Variants in ATP6V1E2 observed in about 807,000 individuals in gnomAD.
ATP6V1E2 encodes V-type proton ATPase subunit E 2.
For synonymous variants in ATP6V1E2, 121 were observed against 104.2 expected (o/e 1.16, Z -0.98); for missense variants, 308 against 273.3 (o/e 1.13, Z -0.90).
intron 4 of ATP6V1E2, among the ~76,000 whole-genome samples, chr2:46,517,072 T>G (rs1193641908): frequency 6.6e-6 from 1 of 152,220 alleles, no homozygotes; most frequent in African/African-American, 2.4e-5. Flanking sequence ...TCACATTTCC[T>G]GACTTCAACA....
At chr2:46,526,999 C>G (rs749617058) in intron 4 of ATP6V1E2, among the ~76,000 whole-genome samples, 5 of 152,200 alleles carry the variant, frequency 3.3e-5, no homozygotes, top group Non-Finnish European at 5.9e-5. Flanking sequence ...CACAGCAATG[C>G]ACATGGGTTC....
At position 46,535,925 on chromosome 2, in the gene ATP6V1E2, GT is replaced by G. The variant is rs763136515; in HGVS notation, c.-215del. The G allele has an allele frequency of 6.6e-6, 1 of 152,214 alleles. No individual in the cohort carries two copies. Among genetic ancestry groups the G allele is most frequent in the Non-Finnish European group, 1.5e-5 (1 of 68,032 alleles). 9.4% of individuals were successfully genotyped at this position (152,214 alleles called of 1,614,324 possible). A position where few individuals can be genotyped will look rare whatever the true frequency, so the allele number is the denominator to read the frequency against. On this transcript the variant is annotated splice_region_variant and 5_prime_UTR_variant, in exon 4 of 5. Coordinates refer to ENST00000522587, the MANE Select transcript of ATP6V1E2 (RefSeq NM_001318063.2). This position sits in a 1 kb window ranked among gnomAD's most constrained non-coding sequence, Gnocchi z 4.4. ...TTGGGATGGTTTTCTGGCACTCTTG[GT>G]TCTGAAACATAAAATAAAATCATTA...
rs532972564 is a variant in ATP6V1E2, at chr2:46,535,340, T to C, written c.-102+473A>G. On this transcript the variant is annotated intron_variant, in intron 4 of 4. Transcript: ENST00000522587. This position sits in a 1 kb window ranked among gnomAD's most constrained non-coding sequence, Gnocchi z 4.4. ...AAGCACATTAATAAAGTGATCTGCT[T>C]CTCCAGTCTCTTCTCAGGAGCCTGG... is the stretch of plus-strand genomic sequence containing the variant. 11 of 152,280 alleles carry C rather than the reference T, an allele frequency of 7.2e-5. No individual in the cohort carries two copies. Among genetic ancestry groups the C allele is most frequent in the African/African-American group, 2.6e-4 (11 of 41,556 alleles). The allele number at this position is 152,280 out of a possible 1,614,324, so 9.4% of individuals were successfully genotyped here.
intron 4 of ATP6V1E2, among the ~76,000 whole-genome samples, chr2:46,528,946 C>G (rs1667056328): frequency 6.6e-6 from 1 of 152,158 alleles, no homozygotes. Context: ...CTCATTCTGC[C>G]CTTCCTAGAA....
chr2:46,517,351 T>G (rs1204934085), intron 4 of ATP6V1E2, among the ~76,000 whole-genome samples: 1 of 152,156 alleles, frequency 6.6e-6, no homozygotes, highest in African/African-American at 2.4e-5. Context: ...ATTGAAGACT[T>G]AAATGTAAGG....
chr2:46,521,932 C>A (rs1367872191), intron 4 of ATP6V1E2, among the ~76,000 whole-genome samples: 9 of 114,880 alleles, frequency 7.8e-5, no homozygotes, highest in Non-Finnish European at 1.1e-4. Flanking sequence ...CCTCGTGATC[C>A]ACCCGCCTCA....
Position 46,523,260 on chromosome 2 carries a change from T to C in ATP6V1E2, c.-101-10448A>G, listed in dbSNP as rs28883898. ...TTTAATTAGATCCCATTTGTGAATT[T>C]TGGCTCTTGTTGCAATTGCTTTTGG... On this transcript the variant is annotated intron_variant, in intron 4 of 4. Transcript: ENST00000522587. Among the ~76,000 whole-genome samples, 1,325 of 152,356 alleles carry C rather than the reference T, an allele frequency of 8.7e-3. 37 individuals are homozygous for C. Among genetic ancestry groups the C allele is most frequent in the East Asian group, 0.072 (374 of 5,190 alleles).
At chr2:46,536,784 C>A (rs1392181422) in intron 2 of ATP6V1E2, 81 bp from the exon 3 acceptor site, 1 of 151,560 alleles carries the variant, frequency 6.6e-6, no homozygotes, top group African/African-American at 2.4e-5. Flanking sequence ...CTCTCCTAAA[C>A]TTCTTTTTTT....
chr2:46,539,724 G>A (rs1036142429), intron 2 of ATP6V1E2, among the ~76,000 whole-genome samples: 11 of 152,252 alleles, frequency 7.2e-5, no homozygotes, highest in Admixed American at 6.5e-4. Context: ...GAAGTTGTGT[G>A]CTGTTCCTTC....
At chr2:46,525,461 C>CAAAAAAAAAAAAAA (rs57428249) in intron 4 of ATP6V1E2, among the ~76,000 whole-genome samples, 4 of 56,704 alleles carry the variant, frequency 7.1e-5, no homozygotes, top group South Asian at 6.6e-4. Flanking sequence ...GACTCCGTCT[C>CAAAAAAAAAAAAAA]AAAAAAAAAA....
intron 4 of ATP6V1E2, among the ~76,000 whole-genome samples, chr2:46,533,432 C>T (rs1667288997): frequency 6.6e-6 from 1 of 151,878 alleles, no homozygotes; most frequent in Admixed American, 6.6e-5. Flanking sequence ...GCCACCACAC[C>T]CAACTATATT....
Position 46,535,690 on chromosome 2 carries a change from G to A in ATP6V1E2, c.-102+123C>T, listed in dbSNP as rs1667410666. On this transcript the variant is annotated intron_variant, in intron 4 of 4. Coordinates refer to ENST00000522587, the MANE Select transcript of ATP6V1E2 (RefSeq NM_001318063.2). The surrounding 1 kb of genome is among the most constrained non-coding windows in gnomAD (Gnocchi z 4.4). ...CCCACCACTAAAGCTGCAGCCTCCAGAGACAATGTGCCCTGTATTTAACTC... is the reference window on the plus strand; with the variant it reads ...CCCACCACTAAAGCTGCAGCCTCCAAAGACAATGTGCCCTGTATTTAACTC... The A allele has an allele frequency of 6.6e-6, 1 of 152,228 alleles. No homozygotes were observed. The highest frequency in any genetic ancestry group is 2.4e-5 in the African/African-American group (1 of 41,438). 9.4% of individuals were successfully genotyped at this position (152,228 alleles called of 1,614,324 possible). A position where few individuals can be genotyped will look rare whatever the true frequency, so the allele number is the denominator to read the frequency against.
intron 4 of ATP6V1E2, among the ~76,000 whole-genome samples, chr2:46,532,974 T>C (rs1667252531): frequency 6.6e-6 from 1 of 152,000 alleles, no homozygotes; most frequent in Non-Finnish European, 1.5e-5. Flanking sequence ...TCCCTTTTGT[T>C]ATTATTGTTA....
At chr2:46,537,132 G>A (rs536813913) in intron 2 of ATP6V1E2, among the ~76,000 whole-genome samples, 2 of 152,234 alleles carry the variant, frequency 1.3e-5, no homozygotes, top group African/African-American at 2.4e-5. Context: ...GCCTAGGAAC[G>A]TTGACCCTTA....
At chr2:46,521,388 A>C (rs1285871851) in intron 4 of ATP6V1E2, among the ~76,000 whole-genome samples, 1 of 152,138 alleles carries the variant, frequency 6.6e-6, no homozygotes, top group African/African-American at 2.4e-5. Context: ...CCCTGCCCAG[A>C]CCCTGAAGCA....
At chr2:46,531,934 A>G (rs965046842) in intron 4 of ATP6V1E2, among the ~76,000 whole-genome samples, 3 of 152,240 alleles carry the variant, frequency 2.0e-5, no homozygotes, top group Admixed American at 1.3e-4. Flanking sequence ...TCTGGATGCT[A>G]GAGTCTTATG....
intron 4 of ATP6V1E2, among the ~76,000 whole-genome samples, chr2:46,521,794 G>A (rs556720239): frequency 1.1e-4 from 16 of 151,998 alleles, no homozygotes; most frequent in South Asian, 2.1e-4. Context: ...GGGTTCAAGC[G>A]ATTCTCCTGC....
chr2:46,540,586 C>T (rs1027596281), intron 2 of ATP6V1E2, among the ~76,000 whole-genome samples: 1 of 142,992 alleles, frequency 7.0e-6, no homozygotes, highest in Non-Finnish European at 1.5e-5. Context: ...ATCTCCAATC[C>T]CTGAAATTTG....
chr2:46,525,295 T>A (rs1321872297), intron 4 of ATP6V1E2, among the ~76,000 whole-genome samples: 1 of 150,300 alleles, frequency 6.7e-6, no homozygotes, highest in Non-Finnish European at 1.5e-5. Flanking sequence ...ACCCCGTCTC[T>A]ACTAAAAATT....
Sources: gnomAD v4.1 joint callset for allele counts (sites outside exome capture counted in the v4.1 genomes callset) on GRCh38, gnomAD v4.1.1 for gene constraint, Gnocchi (gnomAD v3.1) non-coding constraint, MANE v1.5 for transcripts, NCBI Gene and HGNC (gene_info 2026-07-23, HGNC 2026-07-21) for gene names.